Variants in RAB29 observed in about 807,000 individuals in gnomAD.
RAB29 encodes ras-related protein Rab-29.
A neutral mutation model predicts 25.5 loss-of-function variants in RAB29; 13 were observed. The observed-to-expected ratio is 0.51, with a 90% CI of 0.33 to 0.81. RAB29 has a LOEUF of 0.81. Among genes scored for constraint, RAB29 ranks in the 30% least tolerant of loss-of-function variants. RAB29 has a pLI of 0.02. For missense variants in RAB29, 201 were observed against 254.9 expected, an observed-to-expected ratio of 0.79 and a Z score of 1.44; for synonymous variants, 88 against 95.0, an observed-to-expected ratio of 0.93 and a Z score of 0.43.
intron 3 of RAB29, 77 bp downstream of exon 3, chr1:205,772,419 T>C (rs1655075715): frequency 1.4e-6 from 2 of 1,435,998 alleles, no homozygotes; most frequent in Non-Finnish European, 2.0e-6. Flanking sequence ...CTGGCTTTGC[T>C]GCCCCATTTT....
At position 205,772,567 on chromosome 1, in the gene RAB29, A is replaced by G. The variant is rs201279509; in HGVS notation, c.125T>C (p.Val42Ala). 12 of 1,611,812 alleles carry G rather than the reference A, an allele frequency of 7.4e-6. No homozygotes were observed. In the East Asian group the frequency reaches 2.7e-4, roughly 36 times the overall value. The change falls in exon 3 of 6, where the codon GTG becomes GCG. Residue 42 changes from valine to alanine, a missense_variant and splice_region_variant. Val to Ala is a moderately conservative substitution (Grantham distance 64). Coordinates refer to ENST00000367139, the MANE Select transcript of RAB29 (RefSeq NM_003929.3). Reference protein sequence around the residue: ...FSKHYKSTVGVDFALKVLQWS... With the variant: ...FSKHYKSTVGADFALKVLQWS... ...CTGGAGAACCTTCAGAGCAAAATCC[A>G]CTGAAAATATATGTACATTATACTT...
intron 2 of RAB29, 41 bp downstream of exon 2, chr1:205,774,792 T>TCCGCCAGC: frequency 7.8e-7 from 1 of 1,287,998 alleles, no homozygotes; most frequent in Non-Finnish European, 1.1e-6. Context: ...GGTCGGGGCC[T>TCCGCCAGC]CCTCCTCCCC....
chr1:205,775,038 G>A lies in RAB29; in HGVS notation c.-82C>T. On this transcript the variant is annotated 5_prime_UTR_variant, in exon 2 of 6. Coordinates refer to ENST00000367139, the MANE Select transcript of RAB29 (RefSeq NM_003929.3). ...GCTCGTTTTAACCCCTTTGGATCCGGACCCTCTTCAAACTGAAGTGAGGCA... is the reference window on the plus strand; with the variant it reads ...GCTCGTTTTAACCCCTTTGGATCCGAACCCTCTTCAAACTGAAGTGAGGCA... 6.4e-7 allele frequency: 1 copy of A among 1,552,210 alleles called. No individual in the cohort carries two copies. The highest frequency in any genetic ancestry group is 8.8e-7 in the Non-Finnish European group (1 of 1,137,774).
rs950110290 is a variant in RAB29 at position 205,768,409 on chromosome 1, G to A, written c.*1933C>T. The A allele has an allele frequency of 3.3e-5, 5 of 152,134 alleles. No individual in the cohort carries two copies. The highest frequency in any genetic ancestry group is 1.3e-4 in the Admixed American group (2 of 15,278). The allele number at this position is 152,134 out of a possible 1,614,324, so 9.4% of individuals were successfully genotyped here. On this transcript the variant is annotated 3_prime_UTR_variant, in exon 6 of 6. Coordinates refer to ENST00000367139, the MANE Select transcript of RAB29 (RefSeq NM_003929.3). Reference sequence around the variant, plus strand: ...TATCTTTACAAAGTTCTCCAGCAATGGTTTCCAAACCAGGCTTATCACAAT... The same window carrying A: ...TATCTTTACAAAGTTCTCCAGCAATAGTTTCCAAACCAGGCTTATCACAAT...
chr1:205,770,684 A>G lies in RAB29; in HGVS notation c.500+49T>C, dbSNP rs144194257. On this transcript the variant is annotated intron_variant, in intron 5 of 5. Coordinates refer to ENST00000367139, the MANE Select transcript of RAB29 (RefSeq NM_003929.3). ...ATAAGAAAAGAGGGTCCACAGGGCC[A>G]CAGTGGAAGATGGATACATCTGCAT... The G allele has an allele frequency of 1.6e-5, 26 of 1,612,008 alleles. No homozygotes were observed. In the East Asian group the frequency reaches 5.6e-4, roughly 35 times the overall value.
In RAB29 at chr1:205,770,265, A is replaced by T; in HGVS notation, c.*77T>A. On this transcript the variant is annotated 3_prime_UTR_variant, in exon 6 of 6. Coordinates refer to ENST00000367139, the MANE Select transcript of RAB29 (RefSeq NM_003929.3). ...GAGACAATTCAAATGTACTTAATAA[A>T]ATTGTCAGGTGGGCAACCAAAGGGA... is the stretch of plus-strand genomic sequence containing the variant. The T allele has an allele frequency of 2.6e-6, 3 of 1,176,260 alleles. No homozygotes were observed. The Admixed American group carries it at 5.3e-5, about 21-fold the overall frequency. 72.9% of individuals were successfully genotyped at this position (1,176,260 alleles called of 1,614,324 possible).
chr1:205,771,451 T>C (rs1655005727), intron 4 of RAB29, 21 bp downstream of exon 4: 1 of 1,611,812 alleles, frequency 6.2e-7, no homozygotes, highest in South Asian at 1.1e-5. Context: ...TAGGGACCAT[T>C]TTCTGAGATT....
chr1:205,774,882 C>A lies in RAB29; in HGVS notation c.75G>T (p.Gln25His). Residue 25 changes from glutamine to histidine, a missense_variant, in exon 2 of 6, where the codon CAG (glutamine) becomes CAT (histidine). Transcript: ENST00000367139. ...TGCTGAAGCTGTCCTGGGAATATCGCTGCACCAGCGACGTCTTGCCCACTG... is the reference window on the plus strand; with the variant it reads ...TGCTGAAGCTGTCCTGGGAATATCGATGCACCAGCGACGTCTTGCCCACTG... ...DAAVGKTSLV[Q>H]RYSQDSFSKH... 1 of 1,613,638 alleles carries A rather than the reference C, an allele frequency of 6.2e-7. No individual in the cohort carries two copies. Among genetic ancestry groups the A allele is most frequent in the Non-Finnish European group, 8.5e-7 (1 of 1,179,850 alleles).
intron 3 of RAB29, among the ~76,000 whole-genome samples, chr1:205,772,002 G>A (rs1429390250): frequency 6.8e-6 from 1 of 146,088 alleles, no homozygotes; most frequent in East Asian, 2.1e-4. Context: ...AGGCTGGAGT[G>A]CAGTGGTGCC....
At position 205,770,056 on chromosome 1, in the gene RAB29, C is replaced by A; in HGVS notation, c.*286G>T. ...TAAAACGCAGGTGCTGATTTCTAAT[C>A]CTTCTCATAAAATTCCGGATCACAA... On this transcript the variant is annotated 3_prime_UTR_variant, in exon 6 of 6. Transcript: ENST00000367139. The A allele has an allele frequency of 2.2e-6, 1 of 464,816 alleles. No individual in the cohort carries two copies. The allele number at this position is 464,816 out of a possible 1,614,324, so 28.8% of individuals were successfully genotyped here. A position where few individuals can be genotyped will look rare whatever the true frequency, so the allele number is the denominator to read the frequency against.
intron 2 of RAB29, among the ~76,000 whole-genome samples, chr1:205,773,938 A>G (rs968858592): frequency 3.9e-5 from 6 of 152,202 alleles, no homozygotes; most frequent in South Asian, 2.1e-4. Context: ...CCTTGAAACA[A>G]GTTCTTTTAA....
At chr1:205,771,302 A>C in intron 4 of RAB29, 170 bp downstream of exon 4, 1 of 812,252 alleles carries the variant, frequency 1.2e-6, no homozygotes, top group Non-Finnish European at 1.9e-6. Context: ...CCGTCTCAAA[A>C]AAAAAAAAAA....
chr1:205,773,738 T>G (rs1655147531), intron 2 of RAB29, among the ~76,000 whole-genome samples: 2 of 152,132 alleles, frequency 1.3e-5, no homozygotes, highest in Non-Finnish European at 2.9e-5. Flanking sequence ...ACTCCTGGGC[T>G]CAAGCAATCC....
rs1654918294 is a variant in RAB29 at position 205,770,257 on chromosome 1, C to T, written c.*85G>A. 4 of 1,095,608 alleles carry T rather than the reference C, an allele frequency of 3.7e-6. No individual in the cohort carries two copies. In the East Asian group the frequency reaches 9.9e-5, roughly 27 times the overall value. The allele number at this position is 1,095,608 out of a possible 1,614,324, so 67.9% of individuals were successfully genotyped here. A position where few individuals can be genotyped will look rare whatever the true frequency, so the allele number is the denominator to read the frequency against. ...GTAGTCAGGAGACAATTCAAATGTA[C>T]TTAATAAAATTGTCAGGTGGGCAAC... is the stretch of plus-strand genomic sequence containing the variant. On this transcript the variant is annotated 3_prime_UTR_variant, in exon 6 of 6. Transcript: ENST00000367139.
Position 205,772,698 on chromosome 1 carries a change from C to T in RAB29, c.125-131G>A. ...AATCCCATATGTTTAACTTTAAGCC[C>T]TCAATTCACTGAGATGAGTCCACAT... On this transcript the variant is annotated intron_variant, in intron 2 of 5. Coordinates refer to ENST00000367139, the MANE Select transcript of RAB29 (RefSeq NM_003929.3). The T allele has an allele frequency of 9.9e-6, 8 of 810,514 alleles. No individual in the cohort carries two copies. The South Asian group carries it at 9.9e-5, about 10-fold the overall frequency. The allele number at this position is 810,514 out of a possible 1,614,324, so 50.2% of individuals were successfully genotyped here.
At chr1:205,774,677 G>A (rs1655207411) in intron 2 of RAB29, among the ~76,000 whole-genome samples, 156 bp downstream of exon 2, 1 of 152,050 alleles carries the variant, frequency 6.6e-6, no homozygotes, top group South Asian at 2.1e-4. Flanking sequence ...CAAACACCCG[G>A]CAATTACACC....
Position 205,772,577 on chromosome 1 carries a change from T to C in RAB29, c.125-10A>G, listed in dbSNP as rs375056308. 3 of 1,605,796 alleles carry C rather than the reference T, an allele frequency of 1.9e-6. No homozygotes were observed. The highest frequency in any genetic ancestry group is 1.7e-6 in the Non-Finnish European group (2 of 1,172,536). ...TTCAGAGCAAAATCCACTGAAAATA[T>C]ATGTACATTATACTTTAATAAAATT... On this transcript the variant is annotated splice_polypyrimidine_tract_variant and intron_variant, in intron 2 of 5. Coordinates refer to ENST00000367139, the MANE Select transcript of RAB29 (RefSeq NM_003929.3).
intron 4 of RAB29, 153 bp from the exon 5 acceptor site, chr1:205,771,007 T>A: frequency 1.7e-6 from 2 of 1,148,846 alleles, no homozygotes; most frequent in Non-Finnish European, 2.4e-6. Flanking sequence ...CCAAAGAAAG[T>A]CTCACCCTTG....
intron 4 of RAB29, 120 bp downstream of exon 4, chr1:205,771,352 G>C (rs1257457854): frequency 1.8e-6 from 2 of 1,130,176 alleles, no homozygotes; most frequent in Non-Finnish European, 2.7e-6. Flanking sequence ...CTTTGAAGGA[G>C]GTAGAGATGA....
Sources: allele counts gnomAD v4.1 joint callset (sites outside exome capture counted in the v4.1 genomes callset), GRCh38; gene constraint gnomAD v4.1.1; transcripts MANE v1.5; gene names NCBI Gene and HGNC (gene_info 2026-07-23, HGNC 2026-07-21).